XCL2: variants seen among roughly 807,000 people sequenced by gnomAD.
The protein encoded by XCL2 is X-C motif chemokine ligand 2, also known as cytokine SCM-1 beta.
In XCL2, 8 loss-of-function variants were observed where a neutral mutation model predicts 7.2. The ratio of observed to expected loss-of-function variants is 1.10; its 90% CI spans 0.65 to 1.99. The LOEUF is 1.99. Among genes scored for constraint, XCL2 ranks in the 30% most tolerant of loss-of-function variants. XCL2 has a pLI of 0.00. For missense variants in XCL2, 131 were observed against 138.6 expected, an observed-to-expected ratio of 0.94 and a Z score of 0.28; for synonymous variants, 46 against 54.2, an observed-to-expected ratio of 0.85 and a Z score of 0.67.
chr1:168,543,614 T>G (rs470290), intron 1 of XCL2, among the ~76,000 whole-genome samples: 1 of 124,470 alleles, frequency 8.0e-6, no homozygotes, highest in African/African-American at 2.7e-5. Flanking sequence ...TGTCTCTTAT[T>G]CTATTCAGTT....
At chr1:168,543,260 C>T (rs1285536477) in intron 1 of XCL2, 1 of 207,250 alleles carries the variant, frequency 4.8e-6, no homozygotes, top group African/African-American at 2.4e-5. Flanking sequence ...TGTCCTGCGT[C>T]CTAAAATGGG....
chr1:168,542,744 AG>A (rs891311400), intron 1 of XCL2: 113 of 161,328 alleles, frequency 7.0e-4, no homozygotes, highest in African/African-American at 2.5e-3. Flanking sequence ...CTGAAAAGAA[AG>A]AAGGCCAAAG....
intron 1 of XCL2, 24 bp downstream of exon 1, chr1:168,543,880 C>G (rs1654343835): frequency 1.3e-6 from 2 of 1,592,648 alleles, no homozygotes; most frequent in African/African-American, 1.4e-5. Flanking sequence ...TATTCTTTAT[C>G]TCACAGACAG....
In XCL2 at chr1:168,543,929, G is replaced by A. The variant is rs367842144; in HGVS notation, c.36C>T (p.Cys12=). 1 of 1,610,878 alleles carries A rather than the reference G, an allele frequency of 6.2e-7. No homozygotes were observed. The highest frequency in any genetic ancestry group is 8.5e-7 in the Non-Finnish European group (1 of 1,178,628). Residue 12 remains cysteine, a synonymous_variant, in exon 1 of 3, where the codon TGC becomes TGT. Transcript: ENST00000367819. ...RLLILALLGI[C]SLTAYIVEGV... is the part of the protein sequence containing the mutation. Reference sequence around the variant, plus strand: ...CTTCCACAATGTATGCAGTGAGAGAGCAGATGCCAAGGAGGGCCAGGATGA... The same window carrying A: ...CTTCCACAATGTATGCAGTGAGAGAACAGATGCCAAGGAGGGCCAGGATGA...
In XCL2 at chr1:168,541,137, A is replaced by G; in HGVS notation, c.177-17T>C. 6.2e-7 allele frequency: 1 copy of G among 1,612,094 alleles called. No individual in the cohort carries two copies. Among genetic ancestry groups the G allele is most frequent in the Non-Finnish European group, 8.5e-7 (1 of 1,178,440 alleles). On this transcript the variant is annotated splice_polypyrimidine_tract_variant and intron_variant, in intron 2 of 2. Transcript: ENST00000367819. ...GTAATAAAACTGTAACGCAAGGAAAAGACAGATGAAGTTAGCCACGTTCTC... is the reference window on the plus strand; with the variant it reads ...GTAATAAAACTGTAACGCAAGGAAAGGACAGATGAAGTTAGCCACGTTCTC...
At chr1:168,542,208 A>T (rs654588) in intron 1 of XCL2, 101 bp from the exon 2 acceptor site, 211 of 1,057,082 alleles carry the variant, frequency 2.0e-4, no homozygotes, top group African/African-American at 1.5e-3. Flanking sequence ...TTGTGAGAAT[A>T]TAAGGCCATT....
chr1:168,541,124 T>C lies in XCL2; in HGVS notation c.177-4A>G. On this transcript the variant is annotated splice_region_variant and splice_polypyrimidine_tract_variant and intron_variant, in intron 2 of 2. Transcript: ENST00000367819. ...TAGGCCACGTTTGGTAATAAAACTG[T>C]AACGCAAGGAAAAGACAGATGAAGT... The C allele has an allele frequency of 3.1e-6, 5 of 1,613,260 alleles. No homozygotes were observed. The highest frequency in any genetic ancestry group is 4.2e-6 in the Non-Finnish European group (5 of 1,179,418).
chr1:168,541,488 T>C (rs1366104921), intron 2 of XCL2, among the ~76,000 whole-genome samples: 2 of 152,158 alleles, frequency 1.3e-5, no homozygotes, highest in South Asian at 2.1e-4. Flanking sequence ...ATTTTTACAT[T>C]TTCATTCTTT....
In XCL2 at chr1:168,542,114, A is replaced by G; in HGVS notation, c.62-7T>C. On this transcript the variant is annotated splice_region_variant and splice_polypyrimidine_tract_variant and intron_variant, in intron 1 of 2. Coordinates refer to ENST00000367819, the MANE Select transcript of XCL2 (RefSeq NM_003175.4). The stretch of plus-strand genomic sequence containing the variant: ...GAGACTTCACTCCCTACACCTGATG[A>G]GGAAAAAAAAACAACAGACAATTAA... The G allele has an allele frequency of 1.4e-6, 2 of 1,465,080 alleles. No individual in the cohort carries two copies. Among genetic ancestry groups the G allele is most frequent in the Non-Finnish European group, 9.2e-7 (1 of 1,092,234 alleles). The allele number at this position is 1,465,080 out of a possible 1,614,324, so 90.8% of individuals were successfully genotyped here.
In XCL2 at chr1:168,542,016, C is replaced by A. The variant is rs374310854; in HGVS notation, c.153G>T (p.Thr51=). The change falls in exon 2 of 3, where the codon ACG becomes ACT. Residue 51 remains threonine (T), a synonymous_variant. Transcript: ENST00000367819. ...PVSRIKTYTI[T]EGSLRAVIFI... is the part of the protein sequence containing the mutation. ...ACATTACTGCTCTCAAGGAGCCTTC[C>A]GTGATGGTGTAGGTCTTGATTCTGC... 3 of 1,609,182 alleles carry A rather than the reference C, an allele frequency of 1.9e-6. No individual in the cohort carries two copies. In the African/African-American group the frequency reaches 4.0e-5, roughly 22 times the overall value.
At chr1:168,542,192 A>AGAAT in intron 1 of XCL2, 85 bp from the exon 2 acceptor site, 1 of 1,228,550 alleles carries the variant, frequency 8.1e-7, no homozygotes, top group Non-Finnish European at 1.1e-6. Context: ...AATTACTCTG[A>AGAAT]GAATGTTGTG....
At chr1:168,541,823 T>C (rs1312931940) in intron 2 of XCL2, among the ~76,000 whole-genome samples, 170 bp downstream of exon 2, 1 of 152,096 alleles carries the variant, frequency 6.6e-6, no homozygotes, top group African/African-American at 2.4e-5. Context: ...CGCTATTCGG[T>C]TGGGCTGCAG....
At chr1:168,541,236 G>C in intron 2 of XCL2, 116 bp from the exon 3 acceptor site, 1 of 1,331,098 alleles carries the variant, frequency 7.5e-7, no homozygotes, top group Non-Finnish European at 1.0e-6. Context: ...GCAAGAAATA[G>C]TCTTTCAGAG....
chr1:168,542,401 C>T (rs558682394), intron 1 of XCL2, among the ~76,000 whole-genome samples: 147 of 152,108 alleles, frequency 9.7e-4, no homozygotes, highest in African/African-American at 3.3e-3. Flanking sequence ...ACATTTGGGA[C>T]GGCTAGCAAA....
intron 2 of XCL2, 147 bp from the exon 3 acceptor site, chr1:168,541,267 A>G: frequency 3.5e-6 from 4 of 1,135,004 alleles, no homozygotes; most frequent in Non-Finnish European, 4.9e-6. Context: ...ATAAATGAGC[A>G]CCCTTCTTCT....
chr1:168,541,518 G>T (rs1018076736), intron 2 of XCL2, among the ~76,000 whole-genome samples: 1 of 152,028 alleles, frequency 6.6e-6, no homozygotes, highest in African/African-American at 2.4e-5. Context: ...CTTGCAATAT[G>T]TATTGGGAAG....
chr1:168,543,466 G>T (rs542685787), intron 1 of XCL2: 3 of 177,018 alleles, frequency 1.7e-5, no homozygotes, highest in East Asian at 1.7e-4. Flanking sequence ...TATATTAAAT[G>T]GGCAAAACCT....
At chr1:168,543,799 T>C in intron 1 of XCL2, 105 bp downstream of exon 1, 1 of 1,549,052 alleles carries the variant, frequency 6.5e-7, no homozygotes, top group South Asian at 1.1e-5. Context: ...AAGGCTCCCC[T>C]GGAGACAGCA....
rs763527257 is a variant in XCL2, at chr1:168,541,077, C to G, written c.220G>C (p.Ala74Pro). 2.5e-6 allele frequency: 4 copies of G among 1,613,536 alleles called. No homozygotes were observed. The highest frequency in any genetic ancestry group is 1.3e-5 in the African/African-American group (1 of 74,902). The change falls in exon 3 of 3, where the codon GCC becomes CCC. Residue 74 changes from alanine to proline, a missense_variant. By Grantham distance (27) the Ala-to-Pro change is conservative. Transcript: ENST00000367819. ...RGLKVCADPQ[A>P]TWVRDVVRSM... ...CTGACCACGTCTCTCACCCACGTGG[C>G]TTGTGGATCAGCACAGACTTTTAGG...
Sources: allele counts gnomAD v4.1 joint callset (sites outside exome capture counted in the v4.1 genomes callset), GRCh38; gene constraint gnomAD v4.1.1; transcripts MANE v1.5; gene names NCBI Gene and HGNC (gene_info 2026-07-23, HGNC 2026-07-21).